The following MAP2 variants were observed in gnomAD, a reference collection of about 807,000 sequenced individuals.
MAP2 encodes the protein microtubule-associated protein 2.
Under a neutral mutation model 137.6 loss-of-function variants are expected in MAP2, and 14 were observed. The ratio of observed to expected loss-of-function variants is 0.10; its 90% confidence interval spans 0.07 to 0.16. MAP2 has a LOEUF of 0.16. Ranked by LOEUF, MAP2 falls within the 10% of genes least tolerant of loss-of-function variation. The pLI is 1.00. For synonymous variants in MAP2, 786 were observed against 782.3 expected (o/e 1.00, Z -0.08); for missense variants, 2,088 against 2,191.5 (o/e 0.95, Z 0.94).
chr2:209,690,613 G>A (rs769250977), intron 7 of MAP2: 8 of 1,285,690 alleles, frequency 6.2e-6, no homozygotes, highest in South Asian at 5.0e-5. Flanking sequence ...AAGAAGAAAC[G>A]CTAGAGAGTC....
At chr2:209,619,726 T>C (rs2090575558) in intron 3 of MAP2, among the ~76,000 whole-genome samples, 1 of 152,114 alleles carries the variant, frequency 6.6e-6, no homozygotes, top group Non-Finnish European at 1.5e-5. Flanking sequence ...CACCAGGCAT[T>C]GTTATTTATT....
At chr2:209,461,274 A>C (rs1021562467) in intron 1 of MAP2, among the ~76,000 whole-genome samples, 4 of 152,206 alleles carry the variant, frequency 2.6e-5, no homozygotes, top group African/African-American at 7.2e-5. Flanking sequence ...AAATGTAATA[A>C]AATTTGAAAT....
At chr2:209,506,458 A>C (rs906789925) in intron 1 of MAP2, among the ~76,000 whole-genome samples, 1 of 152,192 alleles carries the variant, frequency 6.6e-6, no homozygotes, top group Non-Finnish European at 1.5e-5. Flanking sequence ...TTTTCTATCC[A>C]GTTAACTCAC....
intron 1 of MAP2, among the ~76,000 whole-genome samples, chr2:209,470,637 A>G (rs1705432569): frequency 6.6e-6 from 1 of 152,116 alleles, no homozygotes; most frequent in African/African-American, 2.4e-5. Flanking sequence ...CCTCACCCGC[A>G]TTAACAGCCA....
At position 209,664,962 on chromosome 2, in the gene MAP2, C is replaced by CAA. The variant is rs67286716; in HGVS notation, c.262+11554_262+11555dup. On this transcript the variant is annotated intron_variant, in intron 5 of 15. Transcript: ENST00000682079. ...CTGGTGACAGAGCGAAACTCCGTCT[C>CAA]AAAAAAAAAAAAAAAAAAAAAAAAA... is the stretch of plus-strand genomic sequence containing the variant. Among the ~76,000 whole-genome samples the CAA allele has an allele frequency of 6.3e-3, 322 of 51,320 alleles. 2 individuals are homozygous for CAA. Among genetic ancestry groups the CAA allele is most frequent in the Middle Eastern group, 0.034 (2 of 58 alleles). 33.7% of individuals were successfully genotyped at this position (51,320 alleles called of 152,430 possible).
At position 209,692,928 on chromosome 2, in the gene MAP2, C is replaced by G. The variant is rs1299695159; in HGVS notation, c.758C>G (p.Pro253Arg). The change falls in exon 8 of 16, where the codon CCT (proline) becomes CGT (arginine). Residue 253 changes from proline (P) to arginine (R), a missense_variant. This residue lies in a region of MAP2 where 859 missense variants were observed against 794.5 expected (regional missense o/e 1.08). Transcript: ENST00000682079. ...CTTGTAGTACCTGGCATTGACCTCC[C>G]TAAAGAGCCTCCAACTCCAAAAGAA... The part of the protein sequence containing the change: ...PSLVVPGIDL[P>R]KEPPTPKEQK... 2.5e-6 allele frequency: 4 copies of G among 1,614,058 alleles called. No homozygotes were observed. Among genetic ancestry groups the G allele is most frequent in the Non-Finnish European group, 3.4e-6 (4 of 1,179,980 alleles).
chr2:209,635,692 A>T lies in MAP2; in HGVS notation c.-30+10563A>T, dbSNP rs183780436. 1.8e-3 allele frequency among the ~76,000 whole-genome samples: 278 copies of T among 152,234 alleles called. 1 individual carries two copies. The highest frequency in any genetic ancestry group is 6.5e-3 in the African/African-American group (269 of 41,550). ...TCAATTTATCTGCTAAAAAAATTCTATAATTGGGTTTCTGTTTCCTGTGAC... is the reference window on the plus strand; with the variant it reads ...TCAATTTATCTGCTAAAAAAATTCTTTAATTGGGTTTCTGTTTCCTGTGAC... On this transcript the variant is annotated intron_variant, in intron 4 of 15. Transcript: ENST00000682079.
intron 2 of MAP2, among the ~76,000 whole-genome samples, chr2:209,517,397 A>T (rs2062668712): frequency 6.6e-6 from 1 of 152,132 alleles, no homozygotes; most frequent in Non-Finnish European, 1.5e-5. Context: ...AAACTTTTAG[A>T]AATATCATGT....
chr2:209,439,016 G>A (rs974038064), intron 1 of MAP2, among the ~76,000 whole-genome samples: 2 of 151,030 alleles, frequency 1.3e-5, no homozygotes, highest in South Asian at 2.1e-4. Flanking sequence ...ATTTTTATTC[G>A]GTTGCCATTT....
chr2:209,715,461 C>T (rs886644784), intron 13 of MAP2, among the ~76,000 whole-genome samples: 13 of 151,698 alleles, frequency 8.6e-5, no homozygotes, highest in African/African-American at 2.9e-4. Context: ...ACATAGATTT[C>T]TTAAATTCTT....
intron 4 of MAP2, 148 bp downstream of exon 4, chr2:209,625,277 A>G (rs901839349): frequency 5.3e-5 from 8 of 152,148 alleles, no homozygotes; most frequent in African/African-American, 1.7e-4. Flanking sequence ...TAATATTTTA[A>G]TAGTTATAGC....
chr2:209,615,055 T>G (rs1305780922), intron 3 of MAP2, among the ~76,000 whole-genome samples: 1 of 152,178 alleles, frequency 6.6e-6, no homozygotes, highest in Non-Finnish European at 1.5e-5. Context: ...ATGCATGCCT[T>G]TCCAAATTAT....
chr2:209,515,222 A>G (rs1044298361), intron 2 of MAP2, among the ~76,000 whole-genome samples: 2 of 151,990 alleles, frequency 1.3e-5, no homozygotes, highest in Non-Finnish European at 2.9e-5. Context: ...ATCTGTGTCT[A>G]TCTTCTTTCT....
chr2:209,706,527 A>G (rs2153748281), intron 12 of MAP2, among the ~76,000 whole-genome samples: 1 of 151,136 alleles, frequency 6.6e-6, no homozygotes, highest in South Asian at 2.1e-4. Flanking sequence ...TAGAGAGGGT[A>G]ACTTGTCCAG....
intron 2 of MAP2, among the ~76,000 whole-genome samples, chr2:209,535,508 C>T (rs1275599071): frequency 6.6e-6 from 1 of 151,758 alleles, no homozygotes; most frequent in African/African-American, 2.4e-5. Context: ...ATATTTTCAG[C>T]CATGAATGCA....
chr2:209,484,584 G>T (rs775356096), intron 1 of MAP2, among the ~76,000 whole-genome samples: 10 of 152,154 alleles, frequency 6.6e-5, no homozygotes, highest in Non-Finnish European at 1.3e-4. Context: ...CAGCTACTCG[G>T]GAGGCTGAGG....
chr2:209,696,263 A>C lies in MAP2; in HGVS notation c.4093A>C (p.Lys1365Gln), dbSNP rs762601184. The C allele has an allele frequency of 6.2e-7, 1 of 1,611,254 alleles. No homozygotes were observed. Among genetic ancestry groups the C allele is most frequent in the South Asian group, 1.1e-5 (1 of 90,628 alleles). ...AGAAGAGGTTGCACTTTCTGAATATAAGACAGAAACCTATGACGATTACAA... is the reference window on the plus strand; with the variant it reads ...AGAAGAGGTTGCACTTTCTGAATATCAGACAGAAACCTATGACGATTACAA... The part of the protein sequence containing the change: ...EREEVALSEY[K>Q]TETYDDYKDE... Residue 1365 changes from lysine (K) to glutamine (Q), a missense_variant, in exon 8 of 16, where the codon AAG becomes CAG. Physicochemically the swap from Lys to Gln is moderately conservative, Grantham distance 53 (BLOSUM62 1). Transcript: ENST00000682079.
At chr2:209,604,324 G>A (rs2083941701) in intron 3 of MAP2, among the ~76,000 whole-genome samples, 1 of 152,128 alleles carries the variant, frequency 6.6e-6, no homozygotes, top group African/African-American at 2.4e-5. Flanking sequence ...TAATCCAGAT[G>A]AGCTAATTTG....
intron 1 of MAP2, among the ~76,000 whole-genome samples, chr2:209,457,251 T>C (rs917495388): frequency 6.6e-6 from 1 of 152,198 alleles, no homozygotes; most frequent in Non-Finnish European, 1.5e-5. Flanking sequence ...AGCTTTTGCA[T>C]AGATATTGGC....
Sources: allele counts gnomAD v4.1 joint callset (sites outside exome capture counted in the v4.1 genomes callset), GRCh38; gene constraint gnomAD v4.1.1; regional missense constraint gnomAD v4.1.1; transcripts MANE v1.5; gene names NCBI Gene and HGNC (gene_info 2026-07-23, HGNC 2026-07-21).